PPARGC1A: variants seen among roughly 807,000 people sequenced by gnomAD.
PPARGC1A encodes the protein PPARG coactivator 1 alpha.
In PPARGC1A, 25 loss-of-function variants were observed where a neutral mutation model predicts 88.7. That is an observed-to-expected ratio of 0.28 (90% confidence interval 0.21 to 0.39). The LOEUF is 0.39. Among genes scored for constraint, PPARGC1A ranks in the 10% least tolerant of loss-of-function variants. The probability of loss-of-function intolerance (pLI) is 1.00; values close to 1 mark genes in which losing one functional copy is unlikely to be tolerated. For synonymous variants in PPARGC1A, 363 were observed against 355.6 expected, an observed-to-expected ratio of 1.02 and a Z score of -0.24; for missense variants, 880 against 968.7, an observed-to-expected ratio of 0.91 and a Z score of 1.22.
At chr4:24,267,647 A>G in the PPARGC1A span, among the ~76,000 whole-genome samples, 1 of 152,204 alleles carries the variant, frequency 6.6e-6, no homozygotes, top group South Asian at 2.1e-4. Flanking sequence ...ACTGTCCATC[A>G]ATGATTAGCA....
At chr4:23,894,726 T>C (rs1718318289), upstream of PPARGC1A, among the ~76,000 whole-genome samples, 1 of 152,140 alleles carries the variant, frequency 6.6e-6, no homozygotes, top group Non-Finnish European at 1.5e-5. Flanking sequence ...AAAAATAACA[T>C]GAAAGTTAAT....
At chr4:24,291,798 A>C in the PPARGC1A span, among the ~76,000 whole-genome samples, 2 of 152,242 alleles carry the variant, frequency 1.3e-5, no homozygotes, top group African/African-American at 4.8e-5. Flanking sequence ...GAAGAAAACC[A>C]TAAGTCAGAG....
At chr4:24,033,925 T>C in the PPARGC1A span, among the ~76,000 whole-genome samples, 121 of 152,300 alleles carry the variant, frequency 7.9e-4, no homozygotes, top group African/African-American at 2.8e-3. Flanking sequence ...CCCTCAAAAA[T>C]AGCATTCATA....
the PPARGC1A span, among the ~76,000 whole-genome samples, chr4:24,297,241 G>C: frequency 2.0e-5 from 3 of 152,158 alleles, no homozygotes; most frequent in South Asian, 4.1e-4. Flanking sequence ...GTACCAGTGA[G>C]GAAGTGAGGC....
intron 10 of PPARGC1A, among the ~76,000 whole-genome samples, chr4:23,802,647 A>G (rs533911595): frequency 8.9e-5 from 13 of 145,494 alleles, no homozygotes; most frequent in African/African-American, 3.1e-4. Flanking sequence ...ACTGCACTTC[A>G]GCATGGGCGA....
the PPARGC1A span, among the ~76,000 whole-genome samples, chr4:24,161,900 T>C: frequency 6.7e-6 from 1 of 148,528 alleles, no homozygotes; most frequent in Non-Finnish European, 1.5e-5. Context: ...AATTCACAAC[T>C]GCAAAAATAC....
At chr4:24,096,060 T>C in the PPARGC1A span, among the ~76,000 whole-genome samples, 1 of 151,996 alleles carries the variant, frequency 6.6e-6, no homozygotes, top group South Asian at 2.1e-4. Flanking sequence ...TGGTAGGAGG[T>C]GATTGGATCA....
chr4:23,973,954 TAAAA>T, the PPARGC1A span, among the ~76,000 whole-genome samples: 7 of 151,228 alleles, frequency 4.6e-5, no homozygotes, highest in African/African-American at 7.3e-5. Context: ...TAAAAAATAA[TAAAA>T]AATAAAAAAT....
At chr4:24,102,874 A>G in the PPARGC1A span, among the ~76,000 whole-genome samples, 1 of 152,176 alleles carries the variant, frequency 6.6e-6, no homozygotes, top group Non-Finnish European at 1.5e-5. Flanking sequence ...CGAGGCTGCC[A>G]TCCCACTGAA....
the PPARGC1A span, among the ~76,000 whole-genome samples, chr4:24,112,592 C>T: frequency 6.6e-6 from 1 of 152,082 alleles, no homozygotes; most frequent in Non-Finnish European, 1.5e-5. Context: ...CTATCTGCTT[C>T]CAAGAGGAAA....
At chr4:23,918,217 TC>T in the PPARGC1A span, among the ~76,000 whole-genome samples, 8 of 139,492 alleles carry the variant, frequency 5.7e-5, no homozygotes, top group Non-Finnish European at 1.2e-4. Context: ...TAATTTAAAT[TC>T]TTTTTTTTTT....
chr4:24,397,935 A>T, the PPARGC1A span, among the ~76,000 whole-genome samples: 1 of 152,232 alleles, frequency 6.6e-6, no homozygotes, highest in Admixed American at 6.5e-5. Context: ...CTGTGTTCAC[A>T]TCCTTATATA....
At chr4:24,161,218 G>C in the PPARGC1A span, among the ~76,000 whole-genome samples, 9 of 152,116 alleles carry the variant, frequency 5.9e-5, no homozygotes, top group African/African-American at 2.2e-4. Flanking sequence ...TAAAACACTC[G>C]AATCTCAATG....
chr4:23,982,352 G>A, the PPARGC1A span, among the ~76,000 whole-genome samples: 1 of 152,180 alleles, frequency 6.6e-6, no homozygotes, highest in Non-Finnish European at 1.5e-5. Flanking sequence ...CTAGAGAGCT[G>A]CTCCAGAGCC....
At chr4:23,800,614 A>T (rs1363591659) in intron 12 of PPARGC1A, among the ~76,000 whole-genome samples, 1 of 150,854 alleles carries the variant, frequency 6.6e-6, no homozygotes, top group Non-Finnish European at 1.5e-5. Context: ...ATAAATAAAT[A>T]TATATATAAA....
the PPARGC1A span, among the ~76,000 whole-genome samples, chr4:24,284,751 G>A: frequency 2.6e-5 from 4 of 152,306 alleles, no homozygotes; most frequent in Middle Eastern, 3.4e-3. Flanking sequence ...GAAGAAGCCC[G>A]GGCACGGTGG....
chr4:24,256,463 G>C, the PPARGC1A span, among the ~76,000 whole-genome samples: 1 of 152,140 alleles, frequency 6.6e-6, no homozygotes, highest in Non-Finnish European at 1.5e-5. Context: ...AGGAGACTTC[G>C]TGTTCTAATG....
rs749998606 is a variant in PPARGC1A at position 23,828,474 on chromosome 4, T to A, written c.683A>T (p.Asn228Ile). 5.6e-6 allele frequency: 9 copies of A among 1,614,016 alleles called. No individual in the cohort carries two copies. The South Asian group carries it at 9.9e-5, about 18-fold the overall frequency. ...GCATTTGTCTCTGCTGCTGTTTCTG[T>A]TCTCTGTGGGTTTGGTGTGAGGAGG... The part of the protein sequence containing the change: ...DDPPHTKPTE[N>I]RNSSRDKCTS... The change falls in exon 5 of 13, where the codon AAC becomes ATC. Residue 228 changes from asparagine to isoleucine, a missense_variant. Transcript: ENST00000264867.
At chr4:24,392,980 C>T in the PPARGC1A span, among the ~76,000 whole-genome samples, 1 of 151,492 alleles carries the variant, frequency 6.6e-6, no homozygotes, top group South Asian at 2.1e-4. Flanking sequence ...CCAGATGGTA[C>T]AGCTCTAAAC....
Sources: gnomAD v4.1 joint callset for allele counts (sites outside exome capture counted in the v4.1 genomes callset) on GRCh38, gnomAD v4.1.1 for gene constraint, MANE v1.5 for transcripts, NCBI Gene and HGNC (gene_info 2026-07-23, HGNC 2026-07-21) for gene names.